RTTN: variants seen among roughly 807,000 people sequenced by gnomAD.
RTTN encodes the protein rotatin.
A neutral mutation model predicts 269.2 loss-of-function variants in RTTN; 182 were observed. The observed-to-expected ratio is 0.68, with a 90% CI of 0.60 to 0.76. RTTN has a LOEUF of 0.76. Among genes scored for constraint, RTTN ranks in the 30% least tolerant of loss-of-function variants. RTTN has a pLI of 0.00. For synonymous variants in RTTN, 1,006 were observed against 963.5 expected, an observed-to-expected ratio of 1.04 and a Z score of -0.82; for missense variants, 2,545 against 2,608.6, an observed-to-expected ratio of 0.98 and a Z score of 0.53.
chr18:70,070,066 A>G (rs2058253968), intron 34 of RTTN, among the ~76,000 whole-genome samples: 1 of 152,234 alleles, frequency 6.6e-6, no homozygotes, highest in South Asian at 2.1e-4. Flanking sequence ...GATTATGTAC[A>G]ATATATGTAA....
intron 34 of RTTN, among the ~76,000 whole-genome samples, chr18:70,069,554 C>T (rs1597875): frequency 0.85 from 129,471 of 152,118 alleles, 57,675 homozygotes; most frequent in East Asian, 1. Flanking sequence ...CCAAGTAGAA[C>T]TGGAATGTAA....
At chr18:70,021,327 A>T (rs2056698647) in intron 44 of RTTN, among the ~76,000 whole-genome samples, 1 of 152,226 alleles carries the variant, frequency 6.6e-6, no homozygotes, top group Non-Finnish European at 1.5e-5. Flanking sequence ...CAAAAGTGGC[A>T]TCTACAGGCT....
chr18:70,167,894 C>T (rs760475062), intron 12 of RTTN, among the ~76,000 whole-genome samples: 2 of 152,018 alleles, frequency 1.3e-5, no homozygotes, highest in Non-Finnish European at 2.9e-5. Context: ...CACCTTTAAT[C>T]CTAGCATTTT....
chr18:70,093,229 T>C (rs1366601114), intron 28 of RTTN, among the ~76,000 whole-genome samples: 1 of 145,996 alleles, frequency 6.8e-6, no homozygotes, highest in African/African-American at 2.5e-5. Context: ...CAAAAATTCT[T>C]AGTTTCAATA....
chr18:70,098,544 T>C (rs2059064666), intron 28 of RTTN, among the ~76,000 whole-genome samples: 1 of 152,206 alleles, frequency 6.6e-6, no homozygotes, highest in Non-Finnish European at 1.5e-5. Flanking sequence ...ATATACCTGT[T>C]TTTTAAAATT....
chr18:70,053,955 G>A (rs2057744177), intron 38 of RTTN, among the ~76,000 whole-genome samples, 176 bp downstream of exon 38: 1 of 152,158 alleles, frequency 6.6e-6, no homozygotes, highest in Non-Finnish European at 1.5e-5. Flanking sequence ...CTACACACTT[G>A]TCTTAATTGG....
chr18:70,169,426 CA>C (rs1246753194), intron 11 of RTTN, among the ~76,000 whole-genome samples: 1 of 152,154 alleles, frequency 6.6e-6, no homozygotes, highest in East Asian at 1.9e-4. Flanking sequence ...ATTTTCTGTA[CA>C]TGTACGCAAA....
At chr18:70,111,052 A>G (rs4891808) in intron 27 of RTTN, among the ~76,000 whole-genome samples, 129,568 of 152,226 alleles carry the variant, frequency 0.85, 57,369 homozygotes, top group East Asian at 1. Flanking sequence ...AGTGGCAGCA[A>G]CCCCAGACAG....
At chr18:70,104,386 C>T (rs936006750) in intron 28 of RTTN, among the ~76,000 whole-genome samples, 1 of 152,104 alleles carries the variant, frequency 6.6e-6, no homozygotes. Flanking sequence ...GTTAGCCATT[C>T]GTCTAATCTT....
chr18:70,137,723 C>T (rs1351439580), intron 21 of RTTN, among the ~76,000 whole-genome samples: 1 of 152,136 alleles, frequency 6.6e-6, no homozygotes, highest in Non-Finnish European at 1.5e-5. Flanking sequence ...ATGCCACATT[C>T]CCTAGAAACA....
At chr18:70,032,683 T>C (rs2057051740) in intron 40 of RTTN, among the ~76,000 whole-genome samples, 1 of 152,212 alleles carries the variant, frequency 6.6e-6, no homozygotes, top group Non-Finnish European at 1.5e-5. Context: ...ATAAAGCAAG[T>C]TCTTAAGAGA....
intron 42 of RTTN, 122 bp from the exon 43 acceptor site, chr18:70,028,923 C>A: frequency 1.8e-6 from 1 of 542,596 alleles, no homozygotes. Context: ...CATGCCCAAC[C>A]ACTGTAACTT....
intron 42 of RTTN, among the ~76,000 whole-genome samples, chr18:70,029,019 T>C (rs948336900): frequency 1.3e-5 from 2 of 152,138 alleles, no homozygotes; most frequent in African/African-American, 4.8e-5. Flanking sequence ...TTCTGTTCTA[T>C]CAAGCATGGA....
intron 4 of RTTN, among the ~76,000 whole-genome samples, chr18:70,199,736 A>G (rs982525198): frequency 1.3e-5 from 2 of 152,252 alleles, no homozygotes; most frequent in Non-Finnish European, 2.9e-5. Flanking sequence ...AATAAGTATT[A>G]GAAGAAGAGC....
At chr18:70,061,079 G>A (rs1288075540) in intron 35 of RTTN, among the ~76,000 whole-genome samples, 4 of 151,964 alleles carry the variant, frequency 2.6e-5, no homozygotes, top group Non-Finnish European at 5.9e-5. Flanking sequence ...CTATCTCGTC[G>A]ATATACTTTT....
chr18:70,011,668 A>C (rs1384103990), intron 46 of RTTN, among the ~76,000 whole-genome samples: 2 of 152,260 alleles, frequency 1.3e-5, no homozygotes, highest in Non-Finnish European at 2.9e-5. Flanking sequence ...ATTCCCTTTG[A>C]AAACTGGCAC....
intron 9 of RTTN, among the ~76,000 whole-genome samples, 159 bp from the exon 10 acceptor site, chr18:70,188,382 T>C (rs1381452217): frequency 6.6e-6 from 1 of 152,224 alleles, no homozygotes; most frequent in Non-Finnish European, 1.5e-5. Context: ...CAATTTACAA[T>C]CACACTGAAG....
rs537164975 is a variant in RTTN, at chr18:70,187,494, A to G, written c.1305+614T>C. ...TGAGCTACATTTTTATGAAGAAAAA[A>G]CAATTCCCAATAGTGAAAACAAACA... On this transcript the variant is annotated intron_variant, in intron 10 of 48. Coordinates refer to ENST00000640769, the MANE Select transcript of RTTN (RefSeq NM_173630.4). Among the ~76,000 whole-genome samples, 10 of 152,282 alleles carry G rather than the reference A, an allele frequency of 6.6e-5. No homozygotes were observed. The South Asian group carries it at 1.2e-3, about 19-fold the overall frequency.
In RTTN at chr18:70,205,675, G is replaced by A. The variant is rs2062063166; in HGVS notation, c.-17C>T. On this transcript the variant is annotated 5_prime_UTR_variant, in exon 1 of 49. Coordinates refer to ENST00000640769, the MANE Select transcript of RTTN (RefSeq NM_173630.4). The stretch of plus-strand genomic sequence containing the variant: ...CAGGACCATCTCGTCCCGTCAATCT[G>A]CAGCCGCCGGAGAATTAAACTGCCG... The A allele has an allele frequency of 6.2e-7, 1 of 1,613,990 alleles. No individual in the cohort carries two copies. The highest frequency in any genetic ancestry group is 8.5e-7 in the Non-Finnish European group (1 of 1,179,930).
Sources: allele counts gnomAD v4.1 joint callset (sites outside exome capture counted in the v4.1 genomes callset), GRCh38; gene constraint gnomAD v4.1.1; transcripts MANE v1.5; gene names NCBI Gene and HGNC (gene_info 2026-07-23, HGNC 2026-07-21).